The following PACRG variants were observed in gnomAD, a reference collection of about 807,000 sequenced individuals.
PACRG encodes the protein parkin coregulated gene protein.
Under a neutral mutation model 29.7 loss-of-function variants are expected in PACRG, and 29 were observed. The ratio of observed to expected loss-of-function variants is 0.98; its 90% CI spans 0.73 to 1.33. The LOEUF is 1.33. Among genes scored for constraint, PACRG ranks in the 40% most tolerant of loss-of-function variants. The probability of loss-of-function intolerance (pLI) is 0.00; values close to 1 mark genes in which losing one functional copy is unlikely to be tolerated. For synonymous variants in PACRG, 116 were observed against 118.7 expected, an observed-to-expected ratio of 0.98 and a Z score of 0.15; for missense variants, 279 against 316.2, an observed-to-expected ratio of 0.88 and a Z score of 0.89.
intron 2 of PACRG, among the ~76,000 whole-genome samples, chr6:162,881,175 T>G (rs1259629815): frequency 1.1e-4 from 17 of 152,216 alleles, no homozygotes; most frequent in Admixed American, 1.1e-3. Context: ...CTATTGGAAG[T>G]GTTTATAAAC....
At chr6:162,734,985 A>AT (rs1342455346) in intron 1 of PACRG, among the ~76,000 whole-genome samples, 1 of 152,200 alleles carries the variant, frequency 6.6e-6, no homozygotes. Context: ...TGGAATCATA[A>AT]AGTATGTAAT....
chr6:162,765,831 A>G (rs1344635212), intron 1 of PACRG, among the ~76,000 whole-genome samples: 1 of 152,188 alleles, frequency 6.6e-6, no homozygotes, highest in Admixed American at 6.5e-5. Flanking sequence ...AGATAAACAC[A>G]TATAACTATT....
intron 4 of PACRG, among the ~76,000 whole-genome samples, chr6:163,305,004 G>C (rs1785143955): frequency 6.6e-6 from 1 of 152,058 alleles, no homozygotes; most frequent in Middle Eastern, 3.4e-3. Flanking sequence ...GGAGGAACTG[G>C]AGTGGGAGGC....
intron 2 of PACRG, among the ~76,000 whole-genome samples, chr6:162,986,066 A>G (rs1306947725): frequency 1.3e-5 from 2 of 152,292 alleles, no homozygotes; most frequent in East Asian, 3.9e-4. Context: ...ATCATAGTTG[A>G]CACAAGCAAA....
At chr6:162,846,392 A>G (rs993330740) in intron 2 of PACRG, among the ~76,000 whole-genome samples, 11 of 152,204 alleles carry the variant, frequency 7.2e-5, no homozygotes, top group Non-Finnish European at 1.2e-4. Context: ...TAGTGCACCT[A>G]TGCACCTACC....
intron 2 of PACRG, among the ~76,000 whole-genome samples, chr6:162,818,891 A>T (rs138375475): frequency 6.6e-6 from 1 of 152,314 alleles, no homozygotes; most frequent in Admixed American, 6.5e-5. Context: ...TAGGAAAATC[A>T]GGATAGAATA....
chr6:162,819,029 G>A (rs1787601751), intron 2 of PACRG, among the ~76,000 whole-genome samples: 3 of 152,074 alleles, frequency 2.0e-5, no homozygotes, highest in Admixed American at 2.0e-4. Context: ...ACCCACACCC[G>A]GCAATGTCAT....
intron 2 of PACRG, among the ~76,000 whole-genome samples, chr6:163,039,909 C>T (rs759173125): frequency 1.8e-4 from 27 of 152,232 alleles, no homozygotes; most frequent in Non-Finnish European, 2.8e-4. Context: ...AACAACCCAT[C>T]TTCTGGTGAG....
intron 1 of PACRG, among the ~76,000 whole-genome samples, chr6:162,762,527 T>C (rs981603314): frequency 3.3e-5 from 5 of 152,170 alleles, no homozygotes; most frequent in African/African-American, 9.7e-5. Context: ...TTTAGTGTTG[T>C]ACTCGTGATT....
At chr6:163,130,214 G>T (rs1042346413) in intron 4 of PACRG, among the ~76,000 whole-genome samples, 1 of 152,200 alleles carries the variant, frequency 6.6e-6, no homozygotes, top group African/African-American at 2.4e-5. Flanking sequence ...CTGGAATGAA[G>T]GTGGCTGCAC....
intron 4 of PACRG, among the ~76,000 whole-genome samples, chr6:163,107,448 T>A (rs1302060494): frequency 1.3e-5 from 2 of 152,178 alleles, no homozygotes; most frequent in African/African-American, 2.4e-5. Context: ...CCCAGTTGAG[T>A]GTCAACCCTC....
chr6:163,179,830 G>A (rs544138298), intron 4 of PACRG, among the ~76,000 whole-genome samples: 1 of 152,234 alleles, frequency 6.6e-6, no homozygotes, highest in Admixed American at 6.5e-5. Context: ...CTGAGTTACT[G>A]TCTCATTCTC....
chr6:162,830,223 C>T (rs1788633304), intron 2 of PACRG, among the ~76,000 whole-genome samples: 1 of 152,124 alleles, frequency 6.6e-6, no homozygotes, highest in South Asian at 2.1e-4. Context: ...TTCTTGGGGC[C>T]CTGGGGACAA....
At chr6:163,209,705 A>C (rs1486970459) in intron 4 of PACRG, among the ~76,000 whole-genome samples, 1 of 152,250 alleles carries the variant, frequency 6.6e-6, no homozygotes, top group Non-Finnish European at 1.5e-5. Flanking sequence ...TGAACAAGAC[A>C]ACATATCCAA....
intron 4 of PACRG, among the ~76,000 whole-genome samples, chr6:163,228,773 G>C (rs980759080): frequency 1.3e-5 from 2 of 152,166 alleles, no homozygotes; most frequent in Admixed American, 6.5e-5. Context: ...CTAGCACAGT[G>C]ACCAACATTT....
At chr6:163,148,875 C>A (rs1476595030) in intron 4 of PACRG, among the ~76,000 whole-genome samples, 1 of 149,726 alleles carries the variant, frequency 6.7e-6, no homozygotes, top group Non-Finnish European at 1.5e-5. Context: ...TGGTACCAAC[C>A]CATAACTGGC....
Position 163,195,762 on chromosome 6 carries a change from C to T in PACRG, c.613+106354C>T, listed in dbSNP as rs565156268. Among the ~76,000 whole-genome samples the T allele has an allele frequency of 3.3e-5, 5 of 152,290 alleles. No homozygotes were observed. The South Asian group carries it at 6.2e-4, about 19-fold the overall frequency. The stretch of plus-strand genomic sequence containing the variant: ...TTCTGCGCCTAAAGACACACAGTCA[C>T]GCTGCTTTCAAAGTTTCAGTTCCCA... On this transcript the variant is annotated intron_variant, in intron 4 of 4. Transcript: ENST00000366888.
chr6:162,773,511 T>G (rs1783392290), intron 1 of PACRG, among the ~76,000 whole-genome samples: 2 of 130,646 alleles, frequency 1.5e-5, no homozygotes, highest in South Asian at 5.1e-4. Context: ...TTTTTTTTTT[T>G]TTTTTTTTTT....
chr6:162,818,619 C>T (rs1787561468), intron 2 of PACRG, among the ~76,000 whole-genome samples: 1 of 152,148 alleles, frequency 6.6e-6, no homozygotes, highest in African/African-American at 2.4e-5. Context: ...ATAACTATAT[C>T]ATATTATAAA....
Sources: allele counts gnomAD v4.1 joint callset (sites outside exome capture counted in the v4.1 genomes callset), GRCh38; gene constraint gnomAD v4.1.1; transcripts MANE v1.5; gene names NCBI Gene and HGNC (gene_info 2026-07-23, HGNC 2026-07-21).